Variants in NCOR1 observed in about 807,000 individuals in gnomAD.
NCOR1 encodes the protein protein phosphatase 1, regulatory subunit 109.
NCOR1 carries 63 observed loss-of-function variants against 288.1 expected under a neutral mutation model. The ratio of observed to expected loss-of-function variants is 0.22; its 90% CI spans 0.18 to 0.27. The LOEUF (loss-of-function observed/expected upper bound fraction) is 0.27, where lower values mean the gene tolerates loss of function less well. Ranked by LOEUF, NCOR1 falls within the 10% of genes least tolerant of loss-of-function variation. NCOR1 has a pLI of 1.00. For synonymous variants in NCOR1, 1,007 were observed against 1,065.9 expected, an observed-to-expected ratio of 0.94 and a Z score of 1.08; for missense variants, 2,397 against 3,019.2, an observed-to-expected ratio of 0.79 and a Z score of 4.83.
chr17:16,173,363 G>A (rs1000171678), intron 3 of NCOR1, among the ~76,000 whole-genome samples: 4 of 152,104 alleles, frequency 2.6e-5, no homozygotes, highest in African/African-American at 7.2e-5. Flanking sequence ...AAAGATGACT[G>A]CATTCACCAT....
intron 7 of NCOR1, among the ~76,000 whole-genome samples, 168 bp from the exon 8 acceptor site, chr17:16,152,166 A>T (rs912992138): frequency 1.3e-5 from 2 of 152,122 alleles, no homozygotes; most frequent in African/African-American, 2.4e-5. Flanking sequence ...TTATTTTTTT[A>T]AATTATACTT....
At chr17:16,072,736 AGT>A (rs2061907063) in intron 28 of NCOR1, among the ~76,000 whole-genome samples, 1 of 152,240 alleles carries the variant, frequency 6.6e-6, no homozygotes, top group Non-Finnish European at 1.5e-5. Flanking sequence ...TTACAGTAAA[AGT>A]GTGTGTTTTT....
chr17:16,202,693 A>G (rs569345553), intron 1 of NCOR1, among the ~76,000 whole-genome samples: 65 of 152,316 alleles, frequency 4.3e-4, no homozygotes, highest in African/African-American at 1.5e-3. Context: ...GGAAAGCTAC[A>G]TAACTTCCTC....
intron 18 of NCOR1, 21 bp from the exon 19 acceptor site, chr17:16,108,933 A>G (rs774133272): frequency 1.3e-6 from 2 of 1,532,202 alleles, no homozygotes; most frequent in South Asian, 2.5e-5. Flanking sequence ...AAAGAGTATT[A>G]TTTGATTTAA....
At chr17:16,138,322 T>C (rs2875265) in intron 12 of NCOR1, 110 bp from the exon 13 acceptor site, 478,182 of 884,910 alleles carry the variant, frequency 0.54, 133,028 homozygotes, top group Middle Eastern at 0.61. Flanking sequence ...TGGTGGCTCA[T>C]GCCTGTAATC....
chr17:16,043,191 T>TA (rs1392259267), intron 42 of NCOR1, among the ~76,000 whole-genome samples: 2 of 152,212 alleles, frequency 1.3e-5, no homozygotes, highest in South Asian at 4.1e-4. Context: ...AAGTAAGTTT[T>TA]AAAGCATTAC....
Position 16,085,302 on chromosome 17 carries a change from C to T in NCOR1, c.3177+980G>A, listed in dbSNP as rs1232471532. On this transcript the variant is annotated intron_variant, in intron 23 of 45. Coordinates refer to ENST00000268712, the MANE Select transcript of NCOR1 (RefSeq NM_006311.4). Reference sequence around the variant, plus strand: ...TGGAGCAATCACGTCTCATACATTGCTAGTGGCAGCATAAAATTGTAGAAC... The same window carrying T: ...TGGAGCAATCACGTCTCATACATTGTTAGTGGCAGCATAAAATTGTAGAAC... Among the ~76,000 whole-genome samples the T allele has an allele frequency of 2.6e-5, 4 of 152,166 alleles. No homozygotes were observed. In the East Asian group the frequency reaches 7.7e-4, roughly 29 times the overall value.
Position 16,058,541 on chromosome 17 carries a change from G to C in NCOR1, c.5940C>G (p.Ser1980Arg). Residue 1980 changes from serine to arginine, a missense_variant, in exon 38 of 46, where the codon AGC becomes AGG. By Grantham distance (110) the Ser-to-Arg change is moderately radical. This residue lies in a region of NCOR1 where 1,872 missense variants were observed against 2,187.8 expected (regional missense o/e 0.86). Coordinates refer to ENST00000268712, the MANE Select transcript of NCOR1 (RefSeq NM_006311.4). ...SDAIEVISPA[S>R]SPAPPQEKLQ... ...GTTTCTCCTGGGGTGGCGCAGGTGA[G>C]CTGGCAGGACTTATCACCTCAATAG... The C allele has an allele frequency of 6.2e-7, 1 of 1,614,050 alleles. No homozygotes were observed. Among genetic ancestry groups the C allele is most frequent in the South Asian group, 1.1e-5 (1 of 91,078 alleles).
In NCOR1 at chr17:16,058,453, T is replaced by C; in HGVS notation, c.6010+18A>G. 3.7e-6 allele frequency: 6 copies of C among 1,610,706 alleles called. No homozygotes were observed. The highest frequency in any genetic ancestry group is 5.1e-6 in the Non-Finnish European group (6 of 1,178,586). On this transcript the variant is annotated intron_variant, in intron 38 of 45. Transcript: ENST00000268712. Reference sequence around the variant, plus strand: ...TGCAAATATGAAAACATGTAAATGGTAGCTTAAGAAGACATACTTTCCGCT... The same window carrying C: ...TGCAAATATGAAAACATGTAAATGGCAGCTTAAGAAGACATACTTTCCGCT...
intron 14 of NCOR1, among the ~76,000 whole-genome samples, chr17:16,127,313 GTATGTATA>G (rs1434737227): frequency 0.012 from 487 of 41,240 alleles, 181 homozygotes; most frequent in African/African-American, 0.031. Context: ...ATATATACAT[GTATGTATA>G]TATGTATGTA....
chr17:16,034,941 C>G lies in NCOR1; in HGVS notation c.6959G>C (p.Gly2320Ala). Residue 2320 changes from glycine to alanine, a missense_variant, in exon 45 of 46, where the codon GGA (glycine) becomes GCA (alanine). Gly to Ala is a moderately conservative substitution (Grantham distance 60). This residue lies in a region of NCOR1 where 1,872 missense variants were observed against 2,187.8 expected (regional missense o/e 0.86). Transcript: ENST00000268712. ...EEGDPSPHSGGVCKPKLISKS... is the reference protein window; with the variant it reads ...EEGDPSPHSGAVCKPKLISKS... Reference sequence around the variant, plus strand: ...GCTGATCAGCTTTGGTTTGCAAACTCCTCCTGAAAGTGAAATTCAAGTTAA... The same window carrying G: ...GCTGATCAGCTTTGGTTTGCAAACTGCTCCTGAAAGTGAAATTCAAGTTAA... The G allele has an allele frequency of 6.2e-7, 1 of 1,613,102 alleles. No individual in the cohort carries two copies. The highest frequency in any genetic ancestry group is 8.5e-7 in the Non-Finnish European group (1 of 1,179,698).
At chr17:16,065,363 G>A (rs1265162729) in intron 33 of NCOR1, 122 bp downstream of exon 33, 32 of 1,131,574 alleles carry the variant, frequency 2.8e-5, no homozygotes, top group Non-Finnish European at 3.9e-5. Context: ...ACGGGAGGAA[G>A]GATATAGTAT....
rs149841139 is a variant in NCOR1, at chr17:16,058,216, T to G, written c.6011-152A>C. 1.8e-3 allele frequency: 1,789 copies of G among 974,956 alleles called. 27 individuals are homozygous for G. The African/African-American group carries it at 0.026, about 14-fold the overall frequency. 60.4% of individuals were successfully genotyped at this position (974,956 alleles called of 1,614,324 possible). A position where few individuals can be genotyped will look rare whatever the true frequency, so the allele number is the denominator to read the frequency against. ...TCTTAATTTTGGAGAAAAAAAAAAT[T>G]ATTCACTGAAGAAGTCTGAGGACTA... On this transcript the variant is annotated intron_variant, in intron 38 of 45. Coordinates refer to ENST00000268712, the MANE Select transcript of NCOR1 (RefSeq NM_006311.4).
intron 42 of NCOR1, among the ~76,000 whole-genome samples, chr17:16,042,419 A>C (rs141637890): frequency 2.6e-5 from 4 of 152,282 alleles, no homozygotes; most frequent in African/African-American, 9.6e-5. Context: ...GATAATCCTT[A>C]GATACTGCAC....
At chr17:16,152,938 TAATACA>T in intron 7 of NCOR1, among the ~76,000 whole-genome samples, 1 of 152,174 alleles carries the variant, frequency 6.6e-6, no homozygotes, top group Non-Finnish European at 1.5e-5. Context: ...GTCACTCCCA[TAATACA>T]GTTTATAAAT....
chr17:16,033,014 G>A (rs1972552915), intron 45 of NCOR1, among the ~76,000 whole-genome samples: 1 of 152,156 alleles, frequency 6.6e-6, no homozygotes, highest in African/African-American at 2.4e-5. Context: ...GTTTCTAGAT[G>A]TTTAACTGTC....
chr17:16,130,983 C>G (rs1401191744), intron 14 of NCOR1, among the ~76,000 whole-genome samples: 2 of 146,846 alleles, frequency 1.4e-5, no homozygotes, highest in African/African-American at 5.0e-5. Flanking sequence ...GCCACCGCAC[C>G]TGGAATTTTT....
At chr17:16,197,035 G>A (rs946384270) in intron 1 of NCOR1, among the ~76,000 whole-genome samples, 4 of 145,824 alleles carry the variant, frequency 2.7e-5, no homozygotes, top group African/African-American at 7.6e-5. Context: ...AAAGAAAAAC[G>A]TATAGAAAGA....
chr17:16,205,553 G>A (rs1000850093), intron 1 of NCOR1, among the ~76,000 whole-genome samples: 69 of 150,740 alleles, frequency 4.6e-4, no homozygotes, highest in Middle Eastern at 3.6e-3. Context: ...CCTGGGAGGC[G>A]GAGGTTGCAG....
Sources: allele counts gnomAD v4.1 joint callset (sites outside exome capture counted in the v4.1 genomes callset), GRCh38; gene constraint gnomAD v4.1.1; regional missense constraint gnomAD v4.1.1; transcripts MANE v1.5; gene names NCBI Gene and HGNC (gene_info 2026-07-23, HGNC 2026-07-21).